The following MDGA2 variants were observed in gnomAD, a reference collection of about 807,000 sequenced individuals.
MDGA2 encodes the protein MAM domain containing glycosylphosphatidylinositol anchor 2, also known as MAM domain-containing glycosylphosphatidylinositol anchor protein 2.
Under a neutral mutation model 117.8 loss-of-function variants are expected in MDGA2, and 40 were observed. The ratio of observed to expected loss-of-function variants is 0.34; its 90% CI spans 0.26 to 0.44. MDGA2 has a LOEUF of 0.44. Among genes scored for constraint, MDGA2 ranks in the 20% least tolerant of loss-of-function variants. MDGA2 has a pLI of 1.00. For missense variants in MDGA2, 1,123 were observed against 1,250.6 expected, an observed-to-expected ratio of 0.90 and a Z score of 1.54; for synonymous variants, 452 against 439.0, an observed-to-expected ratio of 1.03 and a Z score of -0.37.
intron 2 of MDGA2, among the ~76,000 whole-genome samples, chr14:47,268,449 C>T (rs1888038307): frequency 6.6e-6 from 1 of 151,966 alleles, no homozygotes; most frequent in Non-Finnish European, 1.5e-5. Flanking sequence ...AAGAATGATA[C>T]TAAAAGAACA....
intron 1 of MDGA2, among the ~76,000 whole-genome samples, chr14:47,336,536 T>C (rs10146861): frequency 0.18 from 27,842 of 151,874 alleles, 2,881 homozygotes; most frequent in East Asian, 0.43. Context: ...ATCACAAAAC[T>C]AGTAAGGTGC....
intron 2 of MDGA2, among the ~76,000 whole-genome samples, chr14:47,270,807 C>T (rs530525469): frequency 2.6e-5 from 4 of 152,158 alleles, no homozygotes; most frequent in East Asian, 3.9e-4. Flanking sequence ...CGTGAGCACA[C>T]ATGTGAATAT....
intron 7 of MDGA2, chr14:47,059,284 A>G (rs984164313): frequency 1.6e-6 from 2 of 1,250,860 alleles, no homozygotes; most frequent in Admixed American, 2.3e-5. Flanking sequence ...CTTCCATTCT[A>G]TGGAGAAACC....
In MDGA2 at chr14:47,217,233, TAAGAA is replaced by T. The variant is rs1309503398; in HGVS notation, c.595+783_595+787del. The stretch of plus-strand genomic sequence containing the variant: ...GTTGTTGCTTATGTCTAAATTACTT[TAAGAA>T]AAGAAAAATAATTATCTTACATCAG... On this transcript the variant is annotated intron_variant, in intron 3 of 16. Coordinates refer to ENST00000399232, the MANE Select transcript of MDGA2 (RefSeq NM_001113498.3). Among the ~76,000 whole-genome samples, 8 of 152,070 alleles carry T rather than the reference TAAGAA, an allele frequency of 5.3e-5. No homozygotes were observed. In the East Asian group the frequency reaches 1.3e-3, roughly 26 times the overall value.
chr14:47,069,195 C>T (rs1207856148), intron 6 of MDGA2, among the ~76,000 whole-genome samples: 1 of 152,184 alleles, frequency 6.6e-6, no homozygotes, highest in Non-Finnish European at 1.5e-5. Flanking sequence ...TGATGCTACT[C>T]TGGCAGTGAG....
At chr14:47,217,800 C>A (rs1886150692) in intron 3 of MDGA2, among the ~76,000 whole-genome samples, 1 of 151,862 alleles carries the variant, frequency 6.6e-6, no homozygotes, top group Non-Finnish European at 1.5e-5. Context: ...TAATATTGTT[C>A]CTAAGTGTTC....
intron 1 of MDGA2, among the ~76,000 whole-genome samples, chr14:47,540,309 G>A (rs541955303): frequency 5.3e-5 from 8 of 151,956 alleles, no homozygotes; most frequent in Admixed American, 2.6e-4. Flanking sequence ...CACCGTGCCC[G>A]GCCCATCCAC....
chr14:47,293,428 T>A (rs911693600), intron 2 of MDGA2, among the ~76,000 whole-genome samples: 1 of 152,164 alleles, frequency 6.6e-6, no homozygotes, highest in Non-Finnish European at 1.5e-5. Context: ...TAGACCCACA[T>A]TACCTCTACT....
chr14:47,351,270 C>G (rs1004198575), intron 1 of MDGA2, among the ~76,000 whole-genome samples: 2 of 151,722 alleles, frequency 1.3e-5, no homozygotes, highest in African/African-American at 4.8e-5. Flanking sequence ...TTAGTAGAGA[C>G]GGGGCTTCAC....
chr14:47,312,529 T>C (rs1215683319), intron 1 of MDGA2, among the ~76,000 whole-genome samples: 1 of 152,070 alleles, frequency 6.6e-6, no homozygotes, highest in Non-Finnish European at 1.5e-5. Flanking sequence ...ATTTGCATTG[T>C]CATGACAGTC....
At chr14:47,524,129 T>C (rs1894924997) in intron 1 of MDGA2, among the ~76,000 whole-genome samples, 1 of 152,168 alleles carries the variant, frequency 6.6e-6, no homozygotes, top group Non-Finnish European at 1.5e-5. Flanking sequence ...GAAAAGCATA[T>C]TTTTGAAGAT....
chr14:46,935,946 CAAGAAAA>C (rs1884764524), intron 9 of MDGA2, among the ~76,000 whole-genome samples: 1 of 151,490 alleles, frequency 6.6e-6, no homozygotes, highest in African/African-American at 2.4e-5. Context: ...TTCAGAGGTC[CAAGAAAA>C]TGTTTTAAAT....
chr14:47,483,862 T>C (rs1260037580), intron 1 of MDGA2, among the ~76,000 whole-genome samples: 1 of 152,184 alleles, frequency 6.6e-6, no homozygotes, highest in East Asian at 1.9e-4. Context: ...TGAGGACATA[T>C]TCTAGCCCCC....
intron 5 of MDGA2, among the ~76,000 whole-genome samples, chr14:47,129,147 A>T (rs1215626255): frequency 6.6e-6 from 1 of 151,650 alleles, no homozygotes; most frequent in Admixed American, 6.6e-5. Context: ...CACAATGTGC[A>T]GGTTAGTTAC....
chr14:47,251,023 C>G (rs1432424142), intron 2 of MDGA2, among the ~76,000 whole-genome samples: 1 of 152,132 alleles, frequency 6.6e-6, no homozygotes, highest in African/African-American at 2.4e-5. Flanking sequence ...GTCTATTTTT[C>G]TTACCAGATA....
At chr14:46,956,224 C>G (rs890553881) in intron 9 of MDGA2, among the ~76,000 whole-genome samples, 1 of 151,920 alleles carries the variant, frequency 6.6e-6, no homozygotes, top group Non-Finnish European at 1.5e-5. Flanking sequence ...CACATAATGT[C>G]CAGTTTCTTT....
chr14:47,587,127 T>C (rs1331176429), intron 1 of MDGA2, among the ~76,000 whole-genome samples: 1 of 151,504 alleles, frequency 6.6e-6, no homozygotes. Flanking sequence ...CAGGGACACA[T>C]AGAAGGTAAC....
intron 1 of MDGA2, among the ~76,000 whole-genome samples, chr14:47,389,606 CCACA>C (rs200077028): frequency 2.0e-4 from 19 of 96,482 alleles, no homozygotes; most frequent in African/African-American, 7.0e-4. Flanking sequence ...ACACACACAC[CCACA>C]CACACACACA....
chr14:47,464,310 T>C (rs994740652), intron 1 of MDGA2, among the ~76,000 whole-genome samples: 4 of 152,246 alleles, frequency 2.6e-5, no homozygotes, highest in African/African-American at 7.2e-5. Flanking sequence ...TTTAAATTAA[T>C]ATTTGAATTA....
Sources: allele counts gnomAD v4.1 joint callset (sites outside exome capture counted in the v4.1 genomes callset), GRCh38; gene constraint gnomAD v4.1.1; transcripts MANE v1.5; gene names NCBI Gene and HGNC (gene_info 2026-07-23, HGNC 2026-07-21).